PTBP3: variants seen among roughly 807,000 people sequenced by gnomAD.
The protein encoded by PTBP3 is polypyrimidine tract binding protein 3, also known as polypyrimidine tract-binding protein 3.
Under a neutral mutation model 58.7 loss-of-function variants are expected in PTBP3, and 20 were observed. The ratio of observed to expected loss-of-function variants is 0.34; its 90% CI spans 0.24 to 0.50. The LOEUF is 0.50. Among genes scored for constraint, PTBP3 ranks in the 20% least tolerant of loss-of-function variants. PTBP3 has a pLI of 0.98. For synonymous variants in PTBP3, 185 were observed against 219.8 expected (o/e 0.84, Z 1.40); for missense variants, 509 against 637.2 (o/e 0.80, Z 2.17).
intron 2 of PTBP3, among the ~76,000 whole-genome samples, chr9:112,278,031 C>A (rs1827702176): frequency 6.6e-6 from 1 of 151,774 alleles, no homozygotes; most frequent in Admixed American, 6.6e-5. Flanking sequence ...GCACCAAATA[C>A]CTAAACAGGC....
At chr9:112,232,068 G>C in intron 9 of PTBP3, 31 bp downstream of exon 9, 1 of 1,536,090 alleles carries the variant, frequency 6.5e-7, no homozygotes, top group Non-Finnish European at 8.8e-7. Flanking sequence ...TCTCCTGAAA[G>C]ACTATTTACA....
At chr9:112,318,625 T>C (rs527366803) in intron 1 of PTBP3, among the ~76,000 whole-genome samples, 53 of 151,906 alleles carry the variant, frequency 3.5e-4, no homozygotes, top group African/African-American at 1.3e-3. Flanking sequence ...CTGGGCATGG[T>C]AGCACACACC....
chr9:112,248,807 A>G (rs1226771814), intron 7 of PTBP3, among the ~76,000 whole-genome samples: 1 of 152,222 alleles, frequency 6.6e-6, no homozygotes, highest in Non-Finnish European at 1.5e-5. Context: ...ACTCTTGTCC[A>G]GCAGGAAAGA....
At chr9:112,284,168 G>C (rs938448915) in intron 2 of PTBP3, among the ~76,000 whole-genome samples, 9 of 152,206 alleles carry the variant, frequency 5.9e-5, no homozygotes, top group Non-Finnish European at 1.3e-4. Context: ...GCTGTGAGAA[G>C]AGCGCCACTG....
intron 2 of PTBP3, among the ~76,000 whole-genome samples, chr9:112,289,224 C>G (rs2132271953): frequency 6.6e-6 from 1 of 152,208 alleles, no homozygotes; most frequent in East Asian, 1.9e-4. Flanking sequence ...CAATAACCTC[C>G]AGGATCATTT....
intron 2 of PTBP3, chr9:112,281,306 T>C (rs1404045123): frequency 5.8e-6 from 1 of 171,032 alleles, no homozygotes; most frequent in African/African-American, 2.4e-5. Context: ...TACAATACTT[T>C]TCCTTGAGAA....
intron 5 of PTBP3, among the ~76,000 whole-genome samples, chr9:112,256,621 C>T (rs1250422331): frequency 2.0e-5 from 3 of 151,988 alleles, no homozygotes; most frequent in African/African-American, 7.2e-5. Flanking sequence ...ACCTTGAACT[C>T]CTGGGCTCAA....
the PTBP3 span, among the ~76,000 whole-genome samples, chr9:112,344,080 A>T: frequency 0.48 from 73,010 of 151,892 alleles, 17,854 homozygotes; most frequent in African/African-American, 0.56. Context: ...CTTCTGATAA[A>T]CAAAAACTTT....
chr9:112,263,254 G>A (rs954625556), intron 4 of PTBP3, among the ~76,000 whole-genome samples: 1 of 152,086 alleles, frequency 6.6e-6, no homozygotes, highest in African/African-American at 2.4e-5. Context: ...AAATAACATA[G>A]GAAACCTTTA....
At position 112,331,438 on chromosome 9, in the gene PTBP3, T is replaced by C. The variant is rs547230695; in HGVS notation, c.-52+2032A>G. ...AAAGCTACGAATACATTCTACATAT[T>C]GTTAATAACCTATGTCATCATTACC... On this transcript the variant is annotated intron_variant, in intron 1 of 13. Coordinates refer to ENST00000374257, the MANE Select transcript of PTBP3 (RefSeq NM_001163788.4). Among the ~76,000 whole-genome samples, 162 of 152,346 alleles carry C rather than the reference T, an allele frequency of 1.1e-3. 1 individual carries two copies. Among genetic ancestry groups the C allele is most frequent in the African/African-American group, 3.8e-3 (160 of 41,584 alleles).
At position 112,222,561 on chromosome 9, in the gene PTBP3, G is replaced by A; in HGVS notation, c.*1290C>T. The A allele has an allele frequency of 1.0e-6, 1 of 985,618 alleles. No homozygotes were observed. The highest frequency in any genetic ancestry group is 1.2e-6 in the Non-Finnish European group (1 of 829,800). 61.1% of individuals were successfully genotyped at this position (985,618 alleles called of 1,614,324 possible). ...TCACAATGTAAAGAGGCCTACAGGT[G>A]TGCACTGAATTATTCCCAAAACCAT... is the stretch of plus-strand genomic sequence containing the variant. On this transcript the variant is annotated 3_prime_UTR_variant, in exon 14 of 14. Coordinates refer to ENST00000374257, the MANE Select transcript of PTBP3 (RefSeq NM_001163788.4).
intron 3 of PTBP3, among the ~76,000 whole-genome samples, chr9:112,275,074 T>C (rs1490879702): frequency 2.0e-5 from 3 of 152,184 alleles, no homozygotes; most frequent in East Asian, 1.9e-4. Flanking sequence ...GAATCACAAA[T>C]AGAAGCCAAT....
In PTBP3 at chr9:112,257,585, A is replaced by AT. The variant is rs1836423375; in HGVS notation, c.517-4798dup. On this transcript the variant is annotated intron_variant, in intron 5 of 13. Transcript: ENST00000374257. ...TCTGATAAAATTCATCTTCAGAGTG[A>AT]TTTTTTATAAAGGTAGAATTTGTCA... 2.0e-5 allele frequency among the ~76,000 whole-genome samples: 3 copies of AT among 152,178 alleles called. No individual in the cohort carries two copies. In the South Asian group the frequency reaches 6.2e-4, roughly 32 times the overall value.
intron 12 of PTBP3, among the ~76,000 whole-genome samples, chr9:112,224,840 G>A (rs1459642606): frequency 1.3e-5 from 2 of 152,172 alleles, no homozygotes; most frequent in East Asian, 1.9e-4. Context: ...GAAGGACACC[G>A]TGAAGACACT....
Position 112,319,557 on chromosome 9 carries a change from C to A in PTBP3, c.-52+13913G>T, listed in dbSNP as rs557379853. 2.6e-5 allele frequency among the ~76,000 whole-genome samples: 4 copies of A among 152,194 alleles called. No individual in the cohort carries two copies. The East Asian group carries it at 5.8e-4, about 22-fold the overall frequency. Reference sequence around the variant, plus strand: ...ATTATCAAAAAAGGAAAAAAAGAAACCCTTGTACACAGTTGGTGGGAATGT... The same window carrying A: ...ATTATCAAAAAAGGAAAAAAAGAAAACCTTGTACACAGTTGGTGGGAATGT... On this transcript the variant is annotated intron_variant, in intron 1 of 13. Coordinates refer to ENST00000374257, the MANE Select transcript of PTBP3 (RefSeq NM_001163788.4).
At chr9:112,262,382 T>C in intron 5 of PTBP3, 53 bp downstream of exon 5, 2 of 1,424,286 alleles carry the variant, frequency 1.4e-6, no homozygotes, top group Non-Finnish European at 1.9e-6. Context: ...ACATCAAAAG[T>C]TTCAGAGGCC....
At chr9:112,333,081 CG>C (rs1460967977) in intron 1 of PTBP3, 1 of 1,274,036 alleles carries the variant, frequency 7.8e-7, no homozygotes, top group Non-Finnish European at 9.9e-7. Context: ...GCGCCGCCTC[CG>C]CCTCCCCCAG....
intron 2 of PTBP3, among the ~76,000 whole-genome samples, chr9:112,283,524 C>A (rs1380416510): frequency 1.7e-4 from 26 of 152,124 alleles, no homozygotes; most frequent in Admixed American, 1.7e-3. Context: ...GGGTATCTGG[C>A]AGAAGAAATT....
chr9:112,282,215 A>T (rs536871226), intron 2 of PTBP3, among the ~76,000 whole-genome samples: 1 of 152,220 alleles, frequency 6.6e-6, no homozygotes, highest in East Asian at 1.9e-4. Context: ...CAATAATAAT[A>T]CCCTTTTAAT....
Sources: gnomAD v4.1 joint callset for allele counts (sites outside exome capture counted in the v4.1 genomes callset) on GRCh38, gnomAD v4.1.1 for gene constraint, MANE v1.5 for transcripts, NCBI Gene and HGNC (gene_info 2026-07-23, HGNC 2026-07-21) for gene names.